RAB7A: variants seen among roughly 807,000 people sequenced by gnomAD.
RAB7A encodes the protein RAB7A, member RAS oncogene family.
In RAB7A, 2 loss-of-function variants were observed where a neutral mutation model predicts 24.5. The observed-to-expected ratio is 0.08, with a 90% CI of 0.03 to 0.26. The LOEUF (loss-of-function observed/expected upper bound fraction) is 0.26. Among genes scored for constraint, RAB7A ranks in the 10% least tolerant of loss-of-function variants. The pLI, the probability that RAB7A is intolerant of heterozygous loss-of-function variation, is 1.00. For missense variants in RAB7A, 118 were observed against 255.7 expected, an observed-to-expected ratio of 0.46 and a Z score of 3.67; for synonymous variants, 100 against 95.9, an observed-to-expected ratio of 1.04 and a Z score of -0.25.
At chr3:128,795,454 G>T in intron 2 of RAB7A, 34 bp downstream of exon 2, 1 of 1,583,838 alleles carries the variant, frequency 6.3e-7, no homozygotes, top group Non-Finnish European at 8.7e-7. Context: ...TAACAGATTG[G>T]CTTAGAGCTA....
chr3:128,739,206 G>A (rs1559779379), intron 1 of RAB7A, among the ~76,000 whole-genome samples: 1 of 152,132 alleles, frequency 6.6e-6, no homozygotes. Flanking sequence ...AATTACAGAA[G>A]CAGTATAAAA....
intron 3 of RAB7A, among the ~76,000 whole-genome samples, chr3:128,804,373 T>G: frequency 6.6e-6 from 1 of 152,216 alleles, no homozygotes; most frequent in East Asian, 1.9e-4. Flanking sequence ...CAGCTGCCCC[T>G]TTCCTTTTGC....
chr3:128,798,394 G>T (rs1356274749), intron 3 of RAB7A: 1 of 326,410 alleles, frequency 3.1e-6, no homozygotes, highest in Middle Eastern at 1.1e-3. Context: ...TCTGTCTTGT[G>T]CCTCTCTTGA....
intron 1 of RAB7A, among the ~76,000 whole-genome samples, chr3:128,776,470 A>G (rs897196167): frequency 3.3e-5 from 5 of 152,024 alleles, no homozygotes; most frequent in African/African-American, 1.2e-4. Context: ...ATTTTTTTAG[A>G]GATGGGGTTT....
At chr3:128,797,855 G>A in intron 2 of RAB7A, 88 bp from the exon 3 acceptor site, 2 of 1,495,896 alleles carry the variant, frequency 1.3e-6, no homozygotes, top group South Asian at 1.1e-5. Context: ...TTCAGGTCAG[G>A]CAGATTCTTT....
chr3:128,774,053 C>G (rs1330577047), intron 1 of RAB7A, among the ~76,000 whole-genome samples: 3 of 138,356 alleles, frequency 2.2e-5, no homozygotes, highest in South Asian at 2.2e-4. Flanking sequence ...TCCCCCTCTG[C>G]GAGAAACACC....
intron 1 of RAB7A, among the ~76,000 whole-genome samples, chr3:128,736,613 C>T (rs964804618): frequency 3.3e-5 from 5 of 151,992 alleles, no homozygotes; most frequent in Non-Finnish European, 2.9e-5. Flanking sequence ...AATTCCAGCA[C>T]GTACAGTTTA....
At position 128,813,913 on chromosome 3, in the gene RAB7A, C is replaced by T. The variant is rs1306849021; in HGVS notation, c.*491C>T. 3 of 231,450 alleles carry T rather than the reference C, an allele frequency of 1.3e-5. No homozygotes were observed. The highest frequency in any genetic ancestry group is 1.0e-4 in the Admixed American group (2 of 19,584). The allele number at this position is 231,450 out of a possible 1,614,324, so 14.3% of individuals were successfully genotyped here. A position where few individuals can be genotyped will look rare whatever the true frequency, so the allele number is the denominator to read the frequency against. Reference sequence around the variant, plus strand: ...TTGGGAAGGCTGGTGCCCCATGCCCCATTACAGGCTCACACCCAGTCTGAT... The same window carrying T: ...TTGGGAAGGCTGGTGCCCCATGCCCTATTACAGGCTCACACCCAGTCTGAT... On this transcript the variant is annotated 3_prime_UTR_variant, in exon 6 of 6. Transcript: ENST00000265062.
intron 1 of RAB7A, among the ~76,000 whole-genome samples, chr3:128,788,145 T>C (rs1253326269): frequency 6.6e-6 from 1 of 152,242 alleles, no homozygotes; most frequent in African/African-American, 2.4e-5. Flanking sequence ...ACTTAGTAGC[T>C]GTCTTGGTTA....
intron 1 of RAB7A, among the ~76,000 whole-genome samples, chr3:128,733,866 T>C (rs985133803): frequency 6.6e-6 from 1 of 152,238 alleles, no homozygotes; most frequent in Admixed American, 6.5e-5. Flanking sequence ...CTAGTAGATA[T>C]GGCCAGTTTT....
At chr3:128,736,658 A>T (rs1246756366) in intron 1 of RAB7A, among the ~76,000 whole-genome samples, 1 of 152,162 alleles carries the variant, frequency 6.6e-6, no homozygotes, top group African/African-American at 2.4e-5. Context: ...AAATACTGTT[A>T]AATAAAGTTA....
rs139417205 is a variant in RAB7A at position 128,813,603 on chromosome 3, G to GCA, written c.*196_*197dup. 2,608 of 509,036 alleles carry GCA rather than the reference G, an allele frequency of 5.1e-3. 25 individuals carry two copies. Among genetic ancestry groups the GCA allele is most frequent in the African/African-American group, 0.035 (1,802 of 51,170 alleles). The allele number at this position is 509,036 out of a possible 1,614,324, so 31.5% of individuals were successfully genotyped here. A position where few individuals can be genotyped will look rare whatever the true frequency, so the allele number is the denominator to read the frequency against. On this transcript the variant is annotated 3_prime_UTR_variant, in exon 6 of 6. Transcript: ENST00000265062. Reference sequence around the variant, plus strand: ...ATATCTCTCACACACACACACACACGCACACACACACACACAGATCTGACG... The same window carrying GCA: ...ATATCTCTCACACACACACACACACGCACACACACACACACACAGATCTGACG...
intron 1 of RAB7A, among the ~76,000 whole-genome samples, chr3:128,754,728 T>C (rs60883180): frequency 0.053 from 8,122 of 152,210 alleles, 625 homozygotes; most frequent in African/African-American, 0.17. Context: ...CTTCATATAG[T>C]AACCAAAAGA....
rs142136407 is a variant in RAB7A at position 128,806,529 on chromosome 3, G to A, written c.338G>A (p.Arg113Gln). Residue 113 changes from arginine to glutamine, a missense_variant, in exon 4 of 6, where the codon CGA becomes CAA. Physicochemically the swap from Arg to Gln is conservative, Grantham distance 43. Coordinates refer to ENST00000265062, the MANE Select transcript of RAB7A (RefSeq NM_004637.6). ...RDEFLIQASP[R>Q]DPENFPFVVL... ...GAGTTTCTCATCCAGGCCAGTCCCCGAGATCCTGAAAACTTCCCATTTGTT... is the reference window on the plus strand; with the variant it reads ...GAGTTTCTCATCCAGGCCAGTCCCCAAGATCCTGAAAACTTCCCATTTGTT... The A allele has an allele frequency of 3.7e-6, 6 of 1,614,102 alleles. No individual in the cohort carries two copies. Among genetic ancestry groups the A allele is most frequent in the South Asian group, 1.1e-5 (1 of 91,062 alleles).
intron 1 of RAB7A, among the ~76,000 whole-genome samples, chr3:128,745,753 C>G (rs2070607273): frequency 6.6e-6 from 1 of 152,216 alleles, no homozygotes; most frequent in Non-Finnish European, 1.5e-5. Flanking sequence ...GACATTGCTC[C>G]AGGTGGGATG....
intron 1 of RAB7A, among the ~76,000 whole-genome samples, chr3:128,774,279 C>T (rs1933027987): frequency 6.6e-6 from 1 of 151,072 alleles, no homozygotes; most frequent in African/African-American, 2.4e-5. Flanking sequence ...GTGACTTCCC[C>T]CTTCTCCCTT....
chr3:128,762,833 A>T (rs1241612143), intron 1 of RAB7A, among the ~76,000 whole-genome samples: 2 of 152,170 alleles, frequency 1.3e-5, no homozygotes, highest in African/African-American at 2.4e-5. Context: ...AAAATGTCAG[A>T]CATATACAAA....
chr3:128,787,356 A>G (rs1228218701), intron 1 of RAB7A, among the ~76,000 whole-genome samples: 1 of 152,240 alleles, frequency 6.6e-6, no homozygotes, highest in African/African-American at 2.4e-5. Context: ...AAATCAGAAC[A>G]GTAGTTGTAG....
At chr3:128,756,059 C>G (rs778114062) in intron 1 of RAB7A, among the ~76,000 whole-genome samples, 1 of 152,200 alleles carries the variant, frequency 6.6e-6, no homozygotes, top group Non-Finnish European at 1.5e-5. Context: ...AACAACGGGC[C>G]GGGCACAGTG....
Sources: allele counts gnomAD v4.1 joint callset (sites outside exome capture counted in the v4.1 genomes callset), GRCh38; gene constraint gnomAD v4.1.1; transcripts MANE v1.5; gene names NCBI Gene and HGNC (gene_info 2026-07-23, HGNC 2026-07-21).